CNTNAP3B: variants seen among roughly 807,000 people sequenced by gnomAD.
The protein encoded by CNTNAP3B is contactin-associated protein-like 3B.
Under a neutral mutation model 108.9 loss-of-function variants are expected in CNTNAP3B, and 25 were observed. That is an observed-to-expected ratio of 0.23 (90% confidence interval 0.17 to 0.32). The LOEUF (loss-of-function observed/expected upper bound fraction) is 0.32. Among genes scored for constraint, CNTNAP3B ranks in the 10% least tolerant of loss-of-function variants. CNTNAP3B has a pLI of 1.00. For synonymous variants in CNTNAP3B, 103 were observed against 473.4 expected (o/e 0.22, Z 10.16); for missense variants, 252 against 1,210.4 (o/e 0.21, Z 11.75).
chr9:41,966,638 G>T (rs1314490212), intron 10 of CNTNAP3B, among the ~76,000 whole-genome samples: 1 of 152,294 alleles, frequency 6.6e-6, no homozygotes, highest in Admixed American at 6.5e-5. Flanking sequence ...CCTTAAAACA[G>T]TATAGGAGTC....
At chr9:41,993,382 C>A (rs1825842039) in intron 7 of CNTNAP3B, 1 of 120,634 alleles carries the variant, frequency 8.3e-6, no homozygotes, top group African/African-American at 3.3e-5. Context: ...TTATAATAAT[C>A]TTTAATACAC....
Position 41,946,641 on chromosome 9 carries a change from A to G in CNTNAP3B, c.2080+6542T>C, listed in dbSNP as rs990345408. On this transcript the variant is annotated intron_variant, in intron 13 of 23. Transcript: ENST00000377561. ...TATCAACATTGGAGAAATAAATGAT[A>G]CCAATTTTCCACAATCTGTTGCAGA... Among the ~76,000 whole-genome samples, 6 of 51,128 alleles carry G rather than the reference A, an allele frequency of 1.2e-4. 2 individuals carry two copies. The highest frequency in any genetic ancestry group is 2.4e-4 in the Non-Finnish European group (6 of 25,164). 33.5% of individuals were successfully genotyped at this position (51,128 alleles called of 152,430 possible).
At chr9:41,933,155 G>C (rs1442938345) in intron 14 of CNTNAP3B, among the ~76,000 whole-genome samples, 1 of 152,038 alleles carries the variant, frequency 6.6e-6, no homozygotes, top group Non-Finnish European at 1.5e-5. Context: ...AATTTGAGGA[G>C]AATGTCAACT....
At chr9:42,041,379 A>G (rs1315941423) in intron 3 of CNTNAP3B, among the ~76,000 whole-genome samples, 1 of 151,560 alleles carries the variant, frequency 6.6e-6, no homozygotes, top group Non-Finnish European at 1.5e-5. Flanking sequence ...AAGAATTTAA[A>G]CAAATTTACA....
chr9:41,955,735 A>C (rs1824837605), intron 12 of CNTNAP3B, among the ~76,000 whole-genome samples: 1 of 152,418 alleles, frequency 6.6e-6, no homozygotes. Flanking sequence ...TCACTAGCCC[A>C]GAAGGAGGGT....
chr9:41,930,413 C>A (rs1189706558), intron 14 of CNTNAP3B, among the ~76,000 whole-genome samples: 1 of 152,308 alleles, frequency 6.6e-6, no homozygotes, highest in Admixed American at 6.5e-5. Flanking sequence ...TGTGATGGTG[C>A]ACACCTGTAG....
chr9:42,097,504 A>T lies in CNTNAP3B; in HGVS notation c.196+7125T>A, dbSNP rs1412938245. Among the ~76,000 whole-genome samples, 28 of 140,278 alleles carry T rather than the reference A, an allele frequency of 2.0e-4. 3 individuals are homozygous for T. The highest frequency in any genetic ancestry group is 6.5e-4 in the African/African-American group (23 of 35,610). The allele number at this position is 140,278 out of a possible 152,430, so 92.0% of individuals were successfully genotyped here. A position where few individuals can be genotyped will look rare whatever the true frequency, so the allele number is the denominator to read the frequency against. On this transcript the variant is annotated intron_variant, in intron 2 of 23. Coordinates refer to ENST00000377561, the MANE Select transcript of CNTNAP3B (RefSeq NM_001201380.3). ...TTTTATACCTCAAAGAACCATTTAG[A>T]GTCACTGATTCATTTCCATAAAGCA...
At chr9:42,044,728 C>T (rs1456149315) in intron 3 of CNTNAP3B, among the ~76,000 whole-genome samples, 1 of 145,560 alleles carries the variant, frequency 6.9e-6, no homozygotes, top group Non-Finnish European at 1.5e-5. Flanking sequence ...TGAGATGGTT[C>T]TGTGGACTTA....
rs1024800886 is a variant in CNTNAP3B at position 42,114,045 on chromosome 9, G to A, written c.86-9306C>T. Reference sequence around the variant, plus strand: ...GAATATAAGGTATGAGAAGGATATGGCTTCTTCCCAAGACATGTTACAGAG... The same window carrying A: ...GAATATAAGGTATGAGAAGGATATGACTTCTTCCCAAGACATGTTACAGAG... On this transcript the variant is annotated intron_variant, in intron 1 of 23. Transcript: ENST00000377561. 3.3e-5 allele frequency among the ~76,000 whole-genome samples: 4 copies of A among 122,212 alleles called. 1 individual carries two copies. Among genetic ancestry groups the A allele is most frequent in the African/African-American group, 1.4e-4 (4 of 28,894 alleles). The allele number at this position is 122,212 out of a possible 152,430, so 80.2% of individuals were successfully genotyped here.
chr9:41,935,861 A>G (rs1347906531), intron 14 of CNTNAP3B, among the ~76,000 whole-genome samples: 1 of 152,294 alleles, frequency 6.6e-6, no homozygotes, highest in Non-Finnish European at 1.5e-5. Flanking sequence ...ACACCAGTGC[A>G]GTCCTTGACG....
intron 12 of CNTNAP3B, among the ~76,000 whole-genome samples, chr9:41,954,429 G>A (rs1824794848): frequency 6.6e-6 from 1 of 152,228 alleles, no homozygotes; most frequent in African/African-American, 2.4e-5. Context: ...AGGAAAGAAG[G>A]AAAAGAAAAC....
chr9:42,107,428 G>A (rs1173020273), intron 1 of CNTNAP3B, among the ~76,000 whole-genome samples: 9 of 100,638 alleles, frequency 8.9e-5, no homozygotes, highest in Non-Finnish European at 1.6e-4. Context: ...CTAAATAGGT[G>A]TAATAGATAA....
At chr9:42,078,982 G>A (rs1379994690) in intron 2 of CNTNAP3B, among the ~76,000 whole-genome samples, 5 of 150,630 alleles carry the variant, frequency 3.3e-5, no homozygotes, top group African/African-American at 9.9e-5. Context: ...TTCCCTTTAA[G>A]TAAATTTTGC....
chr9:42,110,441 C>G (rs56270158), intron 1 of CNTNAP3B, among the ~76,000 whole-genome samples: 1 of 133,194 alleles, frequency 7.5e-6, no homozygotes, highest in Non-Finnish European at 1.6e-5. Flanking sequence ...TAACCAGCTT[C>G]GAATTATCAG....
chr9:41,918,425 A>C (rs1388631372), intron 18 of CNTNAP3B, among the ~76,000 whole-genome samples: 1 of 145,988 alleles, frequency 6.8e-6, no homozygotes, highest in Non-Finnish European at 1.5e-5. Flanking sequence ...TTTTATATCA[A>C]GTTAATTCCA....
At chr9:41,925,891 G>A (rs1158677229) in intron 15 of CNTNAP3B, among the ~76,000 whole-genome samples, 2 of 152,270 alleles carry the variant, frequency 1.3e-5, no homozygotes, top group Admixed American at 1.3e-4. Context: ...AGGAGTCGTG[G>A]TTTCTTTTTT....
intron 17 of CNTNAP3B, among the ~76,000 whole-genome samples, chr9:41,921,084 G>C (rs1168740153): frequency 6.6e-6 from 1 of 152,312 alleles, no homozygotes; most frequent in East Asian, 1.9e-4. Flanking sequence ...CCTCCTCCCA[G>C]AGATTCCAAT....
chr9:41,983,426 C>T (rs1288602823), intron 9 of CNTNAP3B: 4 of 81,618 alleles, frequency 4.9e-5, no homozygotes, highest in Non-Finnish European at 1.0e-4. Context: ...GAAGGAGGGA[C>T]AGATTTCAGT....
At chr9:41,939,290 T>C (rs1363138884) in intron 13 of CNTNAP3B, among the ~76,000 whole-genome samples, 12 of 152,288 alleles carry the variant, frequency 7.9e-5, no homozygotes, top group Non-Finnish European at 8.8e-5. Context: ...GAAAATGAAA[T>C]TGGATTAACT....
Sources: allele counts gnomAD v4.1 joint callset (sites outside exome capture counted in the v4.1 genomes callset), GRCh38; gene constraint gnomAD v4.1.1; transcripts MANE v1.5; gene names NCBI Gene and HGNC (gene_info 2026-07-23, HGNC 2026-07-21).